Variants in KCNN2 observed in about 807,000 individuals in gnomAD.
KCNN2 encodes the protein small conductance calcium-activated potassium channel protein 2.
KCNN2 carries 24 observed loss-of-function variants against 55.5 expected under a neutral mutation model. The ratio of observed to expected loss-of-function variants is 0.43; its 90% CI spans 0.31 to 0.61. The LOEUF (loss-of-function observed/expected upper bound fraction) is 0.61, where lower values mean the gene tolerates loss of function less well. KCNN2 is among the 20% of genes least tolerant of loss of function. The probability of loss-of-function intolerance (pLI) is 0.08; values close to 1 mark genes in which losing one functional copy is unlikely to be tolerated. For synonymous variants in KCNN2, 431 were observed against 336.1 expected (o/e 1.28, Z -3.09); for missense variants, 754 against 853.6 (o/e 0.88, Z 1.45).
chr5:114,137,946 T>A (rs1752205139), intron 1 of KCNN2, among the ~76,000 whole-genome samples: 1 of 152,150 alleles, frequency 6.6e-6, no homozygotes. Context: ...AAAGAATATT[T>A]CAAACAGAGC....
At chr5:114,434,775 A>G (rs1337791909) in intron 3 of KCNN2, among the ~76,000 whole-genome samples, 1 of 152,152 alleles carries the variant, frequency 6.6e-6, no homozygotes, top group Non-Finnish European at 1.5e-5. Context: ...CAGTAAGGCT[A>G]GAAGGGGCTG....
intron 2 of KCNN2, among the ~76,000 whole-genome samples, chr5:114,401,866 A>C (rs984057871): frequency 1.3e-5 from 2 of 152,208 alleles, no homozygotes; most frequent in Non-Finnish European, 2.9e-5. Context: ...AGATTGCAGA[A>C]TGGCTTGTGT....
intron 2 of KCNN2, among the ~76,000 whole-genome samples, chr5:114,301,228 A>C (rs77254023): frequency 0.068 from 10,364 of 152,170 alleles, 507 homozygotes; most frequent in East Asian, 0.2. Context: ...GTAACCTTGG[A>C]CTTTTATTTA....
intron 3 of KCNN2, among the ~76,000 whole-genome samples, chr5:114,450,557 G>C (rs1214785275): frequency 6.6e-6 from 1 of 152,206 alleles, no homozygotes; most frequent in Non-Finnish European, 1.5e-5. Flanking sequence ...TCAGGGGCTT[G>C]AGAATATAAT....
chr5:114,085,504 A>G (rs1168465415), intron 1 of KCNN2, among the ~76,000 whole-genome samples: 1 of 152,030 alleles, frequency 6.6e-6, no homozygotes, highest in East Asian at 1.9e-4. Context: ...TTGATGGTAT[A>G]TCAGGAAAAA....
chr5:114,318,176 A>G (rs535196007), intron 2 of KCNN2, among the ~76,000 whole-genome samples: 1 of 152,154 alleles, frequency 6.6e-6, no homozygotes, highest in East Asian at 1.9e-4. Context: ...GATGCTTATT[A>G]GTTTAGTTTC....
chr5:114,340,587 T>C (rs545031547), intron 2 of KCNN2, among the ~76,000 whole-genome samples: 10 of 152,178 alleles, frequency 6.6e-5, no homozygotes, highest in African/African-American at 1.4e-4. Context: ...TTTTGACATA[T>C]GTATACATTG....
chr5:114,200,378 T>A (rs550952296), intron 1 of KCNN2, among the ~76,000 whole-genome samples: 2 of 152,098 alleles, frequency 1.3e-5, no homozygotes, highest in East Asian at 3.9e-4. Context: ...TTCTCTAAGA[T>A]ATCTGTCTCT....
intron 2 of KCNN2, among the ~76,000 whole-genome samples, chr5:114,311,149 G>A (rs2416369): frequency 0.19 from 28,298 of 151,866 alleles, 2,917 homozygotes; most frequent in African/African-American, 0.21. Flanking sequence ...CATCAAGCAT[G>A]TATATATATA....
At chr5:114,156,360 T>C (rs1752635443) in intron 1 of KCNN2, among the ~76,000 whole-genome samples, 1 of 152,202 alleles carries the variant, frequency 6.6e-6, no homozygotes, top group Non-Finnish European at 1.5e-5. Context: ...GCCTTGACTA[T>C]ATGGGCTCTT....
At chr5:114,336,811 T>C (rs1487244347) in intron 2 of KCNN2, among the ~76,000 whole-genome samples, 6 of 152,118 alleles carry the variant, frequency 3.9e-5, no homozygotes, top group Admixed American at 3.9e-4. Context: ...GCTTGTCCAG[T>C]GATTCTGCTA....
intron 3 of KCNN2, among the ~76,000 whole-genome samples, chr5:114,449,932 T>C (rs1027993378): frequency 6.8e-6 from 1 of 147,276 alleles, no homozygotes. Context: ...GTGCGCGCAC[T>C]CTTCCCTTAG....
chr5:114,287,522 C>G (rs1173770251), intron 2 of KCNN2, among the ~76,000 whole-genome samples: 1 of 151,774 alleles, frequency 6.6e-6, no homozygotes, highest in Non-Finnish European at 1.5e-5. Flanking sequence ...ATCACATGTT[C>G]TCACTGGTAA....
chr5:114,355,530 C>A (rs1277550037), intron 2 of KCNN2, among the ~76,000 whole-genome samples: 1 of 152,186 alleles, frequency 6.6e-6, no homozygotes, highest in Non-Finnish European at 1.5e-5. Context: ...CTTTTGCTAA[C>A]TCTTTAAGCC....
chr5:114,485,621 C>CATATACTTATAT (rs1328583179), intron 5 of KCNN2, among the ~76,000 whole-genome samples: 29 of 152,114 alleles, frequency 1.9e-4, no homozygotes, highest in African/African-American at 6.8e-4. Context: ...GTTACTTATA[C>CATATACTTATAT]GCAGTGCTGG....
intron 2 of KCNN2, among the ~76,000 whole-genome samples, chr5:114,336,744 A>G (rs1756930765): frequency 1.3e-5 from 2 of 152,214 alleles, no homozygotes; most frequent in Admixed American, 6.5e-5. Flanking sequence ...GGGCTGAATC[A>G]TGAGGATGTG....
intron 2 of KCNN2, among the ~76,000 whole-genome samples, chr5:114,284,867 A>G (rs1295435080): frequency 6.6e-6 from 1 of 152,014 alleles, no homozygotes; most frequent in Non-Finnish European, 1.5e-5. Flanking sequence ...TACGGGTGAA[A>G]TCTTCCTGTG....
chr5:114,133,813 T>G (rs1214422006), intron 1 of KCNN2, among the ~76,000 whole-genome samples: 1 of 152,238 alleles, frequency 6.6e-6, no homozygotes, highest in East Asian at 1.9e-4. Flanking sequence ...GTTGTATGTA[T>G]CTTTACCAAG....
intron 1 of KCNN2, among the ~76,000 whole-genome samples, chr5:114,089,426 A>G (rs568494265): frequency 1.3e-5 from 2 of 152,260 alleles, no homozygotes; most frequent in South Asian, 2.1e-4. Context: ...CTCCCAACGC[A>G]GTGGGAGCGC....
Sources: allele counts gnomAD v4.1 joint callset (sites outside exome capture counted in the v4.1 genomes callset), GRCh38; gene constraint gnomAD v4.1.1; transcripts MANE v1.5; gene names NCBI Gene and HGNC (gene_info 2026-07-23, HGNC 2026-07-21).